The following CHL1 variants were observed in gnomAD, a reference collection of about 807,000 sequenced individuals.
CHL1 encodes the protein neural cell adhesion molecule L1-like protein.
In CHL1, 96 loss-of-function variants were observed where a neutral mutation model predicts 141.9. The ratio of observed to expected loss-of-function variants is 0.68; its 90% CI spans 0.57 to 0.80. The LOEUF (loss-of-function observed/expected upper bound fraction) is 0.80, where lower values mean the gene tolerates loss of function less well. Ranked by LOEUF, CHL1 falls within the 30% of genes least tolerant of loss-of-function variation. The probability of loss-of-function intolerance (pLI) is 0.00; values close to 1 mark genes in which losing one functional copy is unlikely to be tolerated. For synonymous variants in CHL1, 613 were observed against 502.2 expected (o/e 1.22, Z -2.95); for missense variants, 1,820 against 1,457.2 (o/e 1.25, Z -4.05).
At chr3:239,878 G>C (rs1275598506) in intron 1 of CHL1, among the ~76,000 whole-genome samples, 1 of 152,024 alleles carries the variant, frequency 6.6e-6, no homozygotes, top group Admixed American at 6.6e-5. Context: ...ACTTCACTTA[G>C]AATAATCGTC....
At chr3:224,776 C>T (rs551153880) in intron 1 of CHL1, among the ~76,000 whole-genome samples, 1 of 152,294 alleles carries the variant, frequency 6.6e-6, no homozygotes, top group South Asian at 2.1e-4. Flanking sequence ...ATTTTGCAAA[C>T]GTAGCTTCCC....
At chr3:313,196 C>T (rs762771644) in intron 2 of CHL1, among the ~76,000 whole-genome samples, 105 of 152,100 alleles carry the variant, frequency 6.9e-4, no homozygotes, top group African/African-American at 1.9e-3. Flanking sequence ...AAAATGGTGA[C>T]GATAAGAGTC....
chr3:269,978 A>G (rs897236339), intron 2 of CHL1, among the ~76,000 whole-genome samples: 2 of 152,162 alleles, frequency 1.3e-5, no homozygotes, highest in African/African-American at 2.4e-5. Context: ...AGTACCTGAG[A>G]CCTGTGCAGA....
At chr3:314,327 GTGTA>G (rs1208324518) in intron 2 of CHL1, among the ~76,000 whole-genome samples, 74 of 57,010 alleles carry the variant, frequency 1.3e-3, no homozygotes, top group African/African-American at 2.9e-3. Flanking sequence ...CTCTCTCTAT[GTGTA>G]TATATATATA....
At chr3:201,666 A>T (rs966373951) in intron 1 of CHL1, among the ~76,000 whole-genome samples, 4 of 152,214 alleles carry the variant, frequency 2.6e-5, no homozygotes, top group Non-Finnish European at 4.4e-5. Context: ...GAATCAAATG[A>T]TGCTGGCAGA....
Position 212,732 on chromosome 3 carries a change from C to T in CHL1, c.-175+15669C>T, listed in dbSNP as rs752536550. On this transcript the variant is annotated intron_variant, in intron 1 of 27. Transcript: ENST00000256509. ...CCGTCCCTGTATCCTTAGAGACCCT[C>T]TCCTTTGACTCAACAGCTCACTGCT... Among the ~76,000 whole-genome samples the T allele has an allele frequency of 6.0e-4, 92 of 152,300 alleles. 1 individual carries two copies. The Middle Eastern group carries it at 0.01, about 17-fold the overall frequency.
chr3:368,205 T>C (rs1296961885), intron 15 of CHL1, among the ~76,000 whole-genome samples: 2 of 152,158 alleles, frequency 1.3e-5, no homozygotes, highest in African/African-American at 2.4e-5. Flanking sequence ...CTAATTTACA[T>C]TCCCACCAAC....
chr3:323,189 G>T (rs1221314648), intron 3 of CHL1, among the ~76,000 whole-genome samples: 1 of 151,950 alleles, frequency 6.6e-6, no homozygotes, highest in East Asian at 1.9e-4. Flanking sequence ...AACCAAGTGA[G>T]CCCATTCATT....
chr3:259,283 TGTGCTTGTGTGTGTGC>T (rs1323265914), intron 2 of CHL1, among the ~76,000 whole-genome samples: 6 of 151,904 alleles, frequency 3.9e-5, no homozygotes, highest in Non-Finnish European at 5.9e-5. Flanking sequence ...CGTGCGTGTG[TGTGCTTGTGTGTGTGC>T]GTGCTTGTGT....
chr3:237,938 T>C (rs1457875339), intron 1 of CHL1, among the ~76,000 whole-genome samples: 1 of 152,212 alleles, frequency 6.6e-6, no homozygotes, highest in Middle Eastern at 3.2e-3. Context: ...AAGTTGAACA[T>C]CTTCACATTG....
At chr3:391,929 C>CA (rs1395585451) in intron 23 of CHL1, 132 bp downstream of exon 23, 2 of 692,968 alleles carry the variant, frequency 2.9e-6, no homozygotes, top group African/African-American at 3.7e-5. Context: ...CCTTGTAGCC[C>CA]AGGGGTCTGT....
At chr3:227,081 C>T (rs903218393) in intron 1 of CHL1, among the ~76,000 whole-genome samples, 2 of 152,100 alleles carry the variant, frequency 1.3e-5, no homozygotes, top group African/African-American at 4.8e-5. Flanking sequence ...TTGTTGATTT[C>T]AACAGGTTTA....
At chr3:260,759 A>T (rs1262926052) in intron 2 of CHL1, among the ~76,000 whole-genome samples, 3 of 152,222 alleles carry the variant, frequency 2.0e-5, no homozygotes, top group African/African-American at 7.2e-5. Flanking sequence ...TGGAAGGAGA[A>T]ACTCTTATTT....
At position 241,993 on chromosome 3, in the gene CHL1, G is replaced by A. The variant is rs111752321; in HGVS notation, c.-174-2620G>A. 3.5e-3 allele frequency among the ~76,000 whole-genome samples: 531 copies of A among 152,190 alleles called. 4 individuals are homozygous for A. Among genetic ancestry groups the A allele is most frequent in the African/African-American group, 0.012 (513 of 41,538 alleles). ...ATAACAAAAACAAAATTAGAAAGAC[G>A]TTTTCTTAGATTATAGTAGTGTATT... On this transcript the variant is annotated intron_variant, in intron 1 of 27. Transcript: ENST00000256509.
At chr3:325,665 A>G (rs1700946198) in intron 3 of CHL1, among the ~76,000 whole-genome samples, 1 of 152,056 alleles carries the variant, frequency 6.6e-6, no homozygotes, top group Non-Finnish European at 1.5e-5. Flanking sequence ...TTTTAATAAT[A>G]TATATTTTTA....
intron 3 of CHL1, among the ~76,000 whole-genome samples, chr3:323,950 A>C (rs896031879): frequency 1.3e-5 from 2 of 152,128 alleles, no homozygotes; most frequent in Admixed American, 6.6e-5. Context: ...GGTTTTCATA[A>C]AATATGTGAT....
intron 2 of CHL1, among the ~76,000 whole-genome samples, chr3:265,080 C>T (rs1695040632): frequency 6.6e-6 from 1 of 152,200 alleles, no homozygotes; most frequent in African/African-American, 2.4e-5. Flanking sequence ...ATTTACTAGG[C>T]TTATTGGCCG....
chr3:230,749 C>T (rs973259096), intron 1 of CHL1, among the ~76,000 whole-genome samples: 3 of 152,052 alleles, frequency 2.0e-5, no homozygotes, highest in Non-Finnish European at 4.4e-5. Context: ...AATGTAGACT[C>T]TTATATTCTT....
intron 11 of CHL1, among the ~76,000 whole-genome samples, chr3:355,909 G>A (rs1199801061): frequency 1.3e-5 from 2 of 152,110 alleles, no homozygotes; most frequent in Non-Finnish European, 2.9e-5. Context: ...GAGTATCACT[G>A]ACCCTCTTCA....
Sources: gnomAD v4.1 joint callset for allele counts (sites outside exome capture counted in the v4.1 genomes callset) on GRCh38, gnomAD v4.1.1 for gene constraint, MANE v1.5 for transcripts, NCBI Gene and HGNC (gene_info 2026-07-23, HGNC 2026-07-21) for gene names.